ZFP1: variants seen among roughly 807,000 people sequenced by gnomAD.
ZFP1 encodes the protein ZFP1 zinc finger protein, also known as zinc finger protein 1 homolog.
ZFP1 carries 32 observed loss-of-function variants against 38.5 expected under a neutral mutation model. The observed-to-expected ratio is 0.83, with a 90% confidence interval of 0.63 to 1.12. The LOEUF is 1.12. Among genes scored for constraint, ZFP1 ranks in the 50% most tolerant of loss-of-function variants. The pLI is 0.00. For synonymous variants in ZFP1, 245 were observed against 168.8 expected, an observed-to-expected ratio of 1.45 and a Z score of -3.50; for missense variants, 616 against 480.8, an observed-to-expected ratio of 1.28 and a Z score of -2.63.
Position 75,171,281 on chromosome 16 carries a change from C to T in ZFP1, c.*947C>T, listed in dbSNP as rs1392950918. 1.3e-5 allele frequency: 2 copies of T among 152,144 alleles called. No homozygotes were observed. Among genetic ancestry groups the T allele is most frequent in the African/African-American group, 4.8e-5 (2 of 41,436 alleles). 9.4% of individuals were successfully genotyped at this position (152,144 alleles called of 1,614,324 possible). A position where few individuals can be genotyped will look rare whatever the true frequency, so the allele number is the denominator to read the frequency against. ...GTCTAGCAAAAATGGTAGGATGCTT[C>T]TGTAGTTCACAAATGTTACATTTCA... On this transcript the variant is annotated 3_prime_UTR_variant, in exon 4 of 4. Coordinates refer to ENST00000570010, the MANE Select transcript of ZFP1 (RefSeq NM_153688.4).
intron 2 of ZFP1, among the ~76,000 whole-genome samples, chr16:75,157,401 A>T (rs1296887446): frequency 2.0e-5 from 3 of 151,730 alleles, no homozygotes; most frequent in Non-Finnish European, 4.4e-5. Flanking sequence ...GTGCCACTAC[A>T]CACGGTGAAT....
chr16:75,154,573 GTT>G (rs33986637), intron 2 of ZFP1, among the ~76,000 whole-genome samples: 49,026 of 111,858 alleles, frequency 0.44, 7,694 homozygotes, highest in East Asian at 0.61. Flanking sequence ...ATGAATGAGA[GTT>G]TTTTTTTTTT....
the ZFP1 span, among the ~76,000 whole-genome samples, chr16:75,141,573 G>A: frequency 2.0e-5 from 3 of 151,860 alleles, no homozygotes; most frequent in Non-Finnish European, 4.4e-5. Context: ...TGCACTTAGG[G>A]CACATAGCAC....
rs531436693 is a variant in ZFP1, at chr16:75,164,922, C to T, written c.16-1848C>T. 5.9e-5 allele frequency among the ~76,000 whole-genome samples: 9 copies of T among 152,232 alleles called. No homozygotes were observed. In the South Asian group the frequency reaches 1.7e-3, roughly 28 times the overall value. On this transcript the variant is annotated intron_variant, in intron 2 of 3. Coordinates refer to ENST00000570010, the MANE Select transcript of ZFP1 (RefSeq NM_153688.4). ...CTGGGTTCAAGCGATTCTCCTGCCT[C>T]AGCCTCCTGAGTAGCTGGGATTACA...
the ZFP1 span, among the ~76,000 whole-genome samples, chr16:75,130,537 C>G: frequency 6.6e-6 from 1 of 152,124 alleles, no homozygotes; most frequent in African/African-American, 2.4e-5. Context: ...CTTCTTAGTA[C>G]GCATGCTCAA....
At chr16:75,149,822 T>C (rs1174214545) in intron 1 of ZFP1, among the ~76,000 whole-genome samples, 4 of 152,106 alleles carry the variant, frequency 2.6e-5, no homozygotes, top group Non-Finnish European at 5.9e-5. Context: ...GTTGTTGTTT[T>C]TGAGACTGAG....
upstream of ZFP1, among the ~76,000 whole-genome samples, chr16:75,146,394 C>T (rs997012772): frequency 6.6e-6 from 1 of 152,026 alleles, no homozygotes; most frequent in African/African-American, 2.4e-5. Flanking sequence ...GTCTCGATCT[C>T]CTGACCTCGT....
At chr16:75,152,987 C>A (rs751288064) in intron 2 of ZFP1, 21 bp downstream of exon 2, 30 of 1,612,838 alleles carry the variant, frequency 1.9e-5, no homozygotes, top group Non-Finnish European at 2.5e-5. Flanking sequence ...TGTTTATTCC[C>A]CATTTTGCTT....
the ZFP1 span, among the ~76,000 whole-genome samples, chr16:75,129,597 C>A: frequency 1.3e-5 from 2 of 152,166 alleles, no homozygotes; most frequent in Non-Finnish European, 2.9e-5. Context: ...ACCTGGAAAA[C>A]CTTCCCCACT....
the ZFP1 span, among the ~76,000 whole-genome samples, chr16:75,133,654 G>C: frequency 6.6e-6 from 1 of 152,122 alleles, no homozygotes; most frequent in East Asian, 1.9e-4. Flanking sequence ...TATTATATTG[G>C]ACAGCACATA....
chr16:75,152,205 A>AT (rs2037239513), intron 1 of ZFP1, among the ~76,000 whole-genome samples: 1 of 151,892 alleles, frequency 6.6e-6, no homozygotes. Flanking sequence ...AGTTTTTGGT[A>AT]TTTTCCCTGT....
In ZFP1 at chr16:75,170,141, G is replaced by A. The variant is rs1218915749; in HGVS notation, c.1031G>A (p.Arg344Lys). ...AACTCACAGCTCATCATACACATGA[G>A]AACTCATACAGGAGAGAAACCCTAT... is the stretch of plus-strand genomic sequence containing the variant. ...IQNSQLIIHM[R>K]THTGEKPYEC... The change falls in exon 4 of 4, where the codon AGA becomes AAA. Residue 344 changes from arginine (R) to lysine (K), a missense_variant. Physicochemically the swap from Arg to Lys is conservative, Grantham distance 26. Transcript: ENST00000570010. 6.2e-7 allele frequency: 1 copy of A among 1,613,956 alleles called. No individual in the cohort carries two copies. Among genetic ancestry groups the A allele is most frequent in the Non-Finnish European group, 8.5e-7 (1 of 1,179,990 alleles).
rs529986916 is a variant in ZFP1 at position 75,152,890 on chromosome 16, C to G, written c.-43-19C>G. On this transcript the variant is annotated intron_variant, in intron 1 of 3. Transcript: ENST00000570010. ...GTCAGACCTTTAATAACAATGCCTT[C>G]CTTTTTCCTCTATTCCAGTTCTGCC... 2 of 1,607,926 alleles carry G rather than the reference C, an allele frequency of 1.2e-6. No homozygotes were observed. Among genetic ancestry groups the G allele is most frequent in the East Asian group, 4.5e-5 (2 of 44,776 alleles).
At chr16:75,154,578 T>G (rs1454090162) in intron 2 of ZFP1, among the ~76,000 whole-genome samples, 1 of 150,428 alleles carries the variant, frequency 6.6e-6, no homozygotes, top group South Asian at 2.1e-4. Flanking sequence ...TGAGAGTTTT[T>G]TTTTTTTTTT....
upstream of ZFP1, among the ~76,000 whole-genome samples, chr16:75,147,632 C>T (rs190860968): frequency 1.3e-5 from 2 of 152,140 alleles, no homozygotes; most frequent in Non-Finnish European, 2.9e-5. Context: ...AACAAATACA[C>T]TGTTCTGGTG....
chr16:75,165,167 G>C (rs2038000107), intron 2 of ZFP1, among the ~76,000 whole-genome samples: 1 of 152,088 alleles, frequency 6.6e-6, no homozygotes, highest in Non-Finnish European at 1.5e-5. Context: ...GCCTATGCCT[G>C]TTTTTGTGGT....
the ZFP1 span, among the ~76,000 whole-genome samples, chr16:75,136,471 G>C: frequency 6.6e-6 from 1 of 152,206 alleles, no homozygotes; most frequent in Non-Finnish European, 1.5e-5. Flanking sequence ...AGTTCAGTGA[G>C]AAAGGAGGCC....
At chr16:75,169,077 T>C (rs1212492851) in intron 3 of ZFP1, among the ~76,000 whole-genome samples, 176 bp from the exon 4 acceptor site, 4 of 152,370 alleles carry the variant, frequency 2.6e-5, no homozygotes, top group African/African-American at 9.6e-5. Flanking sequence ...AGCTATTACC[T>C]TTCTCTTTCA....
intron 2 of ZFP1, among the ~76,000 whole-genome samples, chr16:75,165,579 G>C (rs1597077691): frequency 3.3e-5 from 5 of 152,214 alleles, no homozygotes; most frequent in Admixed American, 3.3e-4. Flanking sequence ...ATTTTTAGTA[G>C]AGATGGGGTT....
Sources: gnomAD v4.1 joint callset for allele counts (sites outside exome capture counted in the v4.1 genomes callset) on GRCh38, gnomAD v4.1.1 for gene constraint, MANE v1.5 for transcripts, NCBI Gene and HGNC (gene_info 2026-07-23, HGNC 2026-07-21) for gene names.